PIK3C2A: variants seen among roughly 807,000 people sequenced by gnomAD.
PIK3C2A encodes phosphatidylinositol 4-phosphate 3-kinase C2 domain-containing subunit alpha.
In PIK3C2A, 97 loss-of-function variants were observed where a neutral mutation model predicts 204.5. The observed-to-expected ratio is 0.47, with a 90% confidence interval of 0.40 to 0.56. PIK3C2A has a LOEUF of 0.56. PIK3C2A is among the 20% of genes least tolerant of loss of function. The pLI is 0.00. For synonymous variants in PIK3C2A, 653 were observed against 664.4 expected (o/e 0.98, Z 0.26); for missense variants, 1,735 against 1,969.2 (o/e 0.88, Z 2.25).
At chr11:17,201,525 C>CAAAAAA (rs869055451) in intron 1 of PIK3C2A, among the ~76,000 whole-genome samples, 1 of 28,972 alleles carries the variant, frequency 3.5e-5, no homozygotes, top group Non-Finnish European at 7.0e-5. Flanking sequence ...GACTCCGTCT[C>CAAAAAA]AAAAAAAAAA....
intron 1 of PIK3C2A, among the ~76,000 whole-genome samples, chr11:17,205,846 T>C (rs1045133711): frequency 1.3e-5 from 2 of 152,146 alleles, no homozygotes; most frequent in African/African-American, 4.8e-5. Context: ...AACTGCCAGG[T>C]GCAGTGGCTC....
rs935486380 is a variant in PIK3C2A, at chr11:17,168,895, T to G, written c.847A>C (p.Asn283His). 3 of 1,614,000 alleles carry G rather than the reference T, an allele frequency of 1.9e-6. No individual in the cohort carries two copies. The highest frequency in any genetic ancestry group is 2.5e-6 in the Non-Finnish European group (3 of 1,179,982). Residue 283 changes from asparagine (N) to histidine (H), a missense_variant, in exon 2 of 33, where the codon AAT (asparagine) becomes CAT (histidine). Coordinates refer to ENST00000691414, the MANE Select transcript of PIK3C2A (RefSeq NM_002645.4). ...LDPLSKPKVD[N>H]VEVLDHEEEK... ...TCCTCATGGTCTAATACCTCCACAT[T>G]ATCCACCTTAGGCTTACTTAGAGGA... is the stretch of plus-strand genomic sequence containing the variant.
chr11:17,104,744 A>T (rs1848753043), intron 23 of PIK3C2A, among the ~76,000 whole-genome samples: 1 of 151,452 alleles, frequency 6.6e-6, no homozygotes, highest in Non-Finnish European at 1.5e-5. Context: ...AAAAAAAAAA[A>T]AATTTGCATA....
intron 24 of PIK3C2A, among the ~76,000 whole-genome samples, chr11:17,102,212 A>G (rs1053218299): frequency 2.9e-4 from 44 of 152,190 alleles, no homozygotes; most frequent in South Asian, 2.3e-3. Flanking sequence ...CGAGGCGGGT[A>G]GATCACTTGG....
chr11:17,167,263 A>C (rs1339913209), intron 2 of PIK3C2A, among the ~76,000 whole-genome samples: 1 of 152,090 alleles, frequency 6.6e-6, no homozygotes, highest in Non-Finnish European at 1.5e-5. Flanking sequence ...ATGAGCCATC[A>C]TGCTGTCTAA....
rs553976174 is a variant in PIK3C2A at position 17,135,028 on chromosome 11, G to A, written c.1899C>T (p.Gly633=). The A allele has an allele frequency of 2.5e-6, 4 of 1,613,184 alleles. No individual in the cohort carries two copies. Among genetic ancestry groups the A allele is most frequent in the South Asian group, 1.1e-5 (1 of 91,032 alleles). ...GAACAGGATTTTCAGGATTAAGTGAGCCTAGATTAAAGAAAAAAAAAGTTA... is the reference window on the plus strand; with the variant it reads ...GAACAGGATTTTCAGGATTAAGTGAACCTAGATTAAAGAAAAAAAAAGTTA... The part of the protein sequence containing the change: ...GEDTSRSSTR[G]SLNPENPVQV... Residue 633 remains glycine (G), a splice_region_variant and synonymous_variant, in exon 11 of 33, where the codon GGC becomes GGT. Transcript: ENST00000691414.
chr11:17,131,648 C>T (rs1269925082), intron 12 of PIK3C2A, among the ~76,000 whole-genome samples: 1 of 152,088 alleles, frequency 6.6e-6, no homozygotes, highest in Admixed American at 6.5e-5. Flanking sequence ...GTCTCGATCT[C>T]CTGACCTCAT....
At chr11:17,187,607 G>A (rs984237008) in intron 1 of PIK3C2A, among the ~76,000 whole-genome samples, 4 of 151,990 alleles carry the variant, frequency 2.6e-5, no homozygotes, top group Non-Finnish European at 5.9e-5. Context: ...GGAGAAGTAT[G>A]AAAAACTAAA....
intron 5 of PIK3C2A, 94 bp downstream of exon 5, chr11:17,148,573 T>A: frequency 9.7e-7 from 1 of 1,035,264 alleles, no homozygotes; most frequent in Non-Finnish European, 1.4e-6. Context: ...ATCCAATGTA[T>A]TTCTGCATTA....
chr11:17,205,303 G>A (rs1277302223), intron 1 of PIK3C2A, among the ~76,000 whole-genome samples: 2 of 151,408 alleles, frequency 1.3e-5, no homozygotes, highest in African/African-American at 2.4e-5. Context: ...GTGAAACCCC[G>A]TCTCTACTAA....
chr11:17,160,926 A>G (rs1356868597), intron 2 of PIK3C2A, among the ~76,000 whole-genome samples: 1 of 152,194 alleles, frequency 6.6e-6, no homozygotes, highest in Admixed American at 6.5e-5. Flanking sequence ...TGGAAAAGGG[A>G]AGGAACATCT....
chr11:17,172,299 C>T (rs1851199457), intron 1 of PIK3C2A, among the ~76,000 whole-genome samples: 1 of 152,184 alleles, frequency 6.6e-6, no homozygotes, highest in Non-Finnish European at 1.5e-5. Flanking sequence ...TCCTAAGAGG[C>T]TTTACTACCT....
intron 2 of PIK3C2A, among the ~76,000 whole-genome samples, chr11:17,156,364 T>C (rs967203238): frequency 3.9e-5 from 6 of 152,212 alleles, no homozygotes; most frequent in African/African-American, 1.4e-4. Context: ...CAGATTTCAA[T>C]GACTATGGCA....
At chr11:17,129,251 G>A (rs1184054069) in intron 13 of PIK3C2A, 49 bp downstream of exon 13, 1 of 1,445,558 alleles carries the variant, frequency 6.9e-7, no homozygotes, top group East Asian at 2.3e-5. Flanking sequence ...CAATTCTGAT[G>A]TGCAGATGTG....
At chr11:17,091,742 G>A (rs960531226) in intron 30 of PIK3C2A, 86 bp from the exon 31 acceptor site, 46 of 874,918 alleles carry the variant, frequency 5.3e-5, no homozygotes, top group Middle Eastern at 4.5e-4. Context: ...TTTCAAGACT[G>A]TCACATGTGG....
At chr11:17,106,371 C>T (rs1848817128) in intron 22 of PIK3C2A, among the ~76,000 whole-genome samples, 2 of 151,980 alleles carry the variant, frequency 1.3e-5, no homozygotes, top group Non-Finnish European at 2.9e-5. Flanking sequence ...AAGATGACAC[C>T]ACTGCGCTCC....
chr11:17,146,047 T>G, intron 6 of PIK3C2A, 105 bp from the exon 7 acceptor site: 1 of 720,430 alleles, frequency 1.4e-6, no homozygotes, highest in Non-Finnish European at 2.3e-6. Context: ...ACTAAAGTGT[T>G]TTTCTGAGAA....
rs890336233 is a variant in PIK3C2A, at chr11:17,146,007, A to G, written c.1561-65T>C. On this transcript the variant is annotated intron_variant, in intron 6 of 32. Coordinates refer to ENST00000691414, the MANE Select transcript of PIK3C2A (RefSeq NM_002645.4). ...TTTGGTCTTTCTATTGTCAAATTAAATATAGTTAAGTGTATGATAAAATCT... is the reference window on the plus strand; with the variant it reads ...TTTGGTCTTTCTATTGTCAAATTAAGTATAGTTAAGTGTATGATAAAATCT... The G allele has an allele frequency of 1.2e-5, 14 of 1,170,920 alleles. No homozygotes were observed. In the African/African-American group the frequency reaches 2.0e-4, roughly 17 times the overall value. The allele number at this position is 1,170,920 out of a possible 1,614,324, so 72.5% of individuals were successfully genotyped here. A position where few individuals can be genotyped will look rare whatever the true frequency, so the allele number is the denominator to read the frequency against.
At chr11:17,188,209 A>ACTCATTAGCAG (rs1247220427) in intron 1 of PIK3C2A, among the ~76,000 whole-genome samples, 8 of 147,314 alleles carry the variant, frequency 5.4e-5, no homozygotes, top group African/African-American at 1.9e-4. Flanking sequence ...ATGGTGGTGC[A>ACTCATTAGCAG]TGCCTGTAAT....
Sources: gnomAD v4.1 joint callset for allele counts (sites outside exome capture counted in the v4.1 genomes callset) on GRCh38, gnomAD v4.1.1 for gene constraint, MANE v1.5 for transcripts, NCBI Gene and HGNC (gene_info 2026-07-23, HGNC 2026-07-21) for gene names.